Variants in EPB41 observed in about 807,000 individuals in gnomAD.
EPB41 encodes the protein erythrocyte membrane protein band 4.1.
EPB41 carries 65 observed loss-of-function variants against 108.0 expected under a neutral mutation model. The ratio of observed to expected loss-of-function variants is 0.60; its 90% confidence interval spans 0.49 to 0.74. EPB41 has a LOEUF of 0.74. Among genes scored for constraint, EPB41 ranks in the 30% least tolerant of loss-of-function variants. The pLI is 0.00. For synonymous variants in EPB41, 336 were observed against 358.9 expected (o/e 0.94, Z 0.72); for missense variants, 875 against 1,037.0 (o/e 0.84, Z 2.15).
chr1:29,058,759 A>G, intron 13 of EPB41, 52 bp from the exon 14 acceptor site: 19 of 1,534,056 alleles, frequency 1.2e-5, no homozygotes, highest in Non-Finnish European at 1.7e-5. Flanking sequence ...AACAAACTTC[A>G]ATGAGCAACA....
At chr1:28,909,366 G>A (rs1355770189) in intron 1 of EPB41, among the ~76,000 whole-genome samples, 1 of 152,092 alleles carries the variant, frequency 6.6e-6, no homozygotes, top group East Asian at 1.9e-4. Context: ...TACTTGGGAG[G>A]ATGAGGTGGG....
intron 1 of EPB41, among the ~76,000 whole-genome samples, chr1:28,935,905 G>A (rs566928697): frequency 6.9e-5 from 10 of 144,874 alleles, no homozygotes; most frequent in African/African-American, 1.3e-4. Context: ...GTGACAGAGC[G>A]AGACTCTGTT....
intron 1 of EPB41, among the ~76,000 whole-genome samples, chr1:28,945,170 A>C (rs1231264519): frequency 6.6e-6 from 1 of 152,114 alleles, no homozygotes; most frequent in African/African-American, 2.4e-5. Context: ...TACCATCTAA[A>C]ATTGTTCTTA....
chr1:28,889,828 A>G (rs2089910293), intron 1 of EPB41: 1 of 985,186 alleles, frequency 1.0e-6, no homozygotes, highest in Non-Finnish European at 1.2e-6. Flanking sequence ...TTGAGCACGT[A>G]CTGTGCACCA....
At chr1:29,086,595 A>G (rs1485134797) in intron 16 of EPB41, among the ~76,000 whole-genome samples, 3 of 152,108 alleles carry the variant, frequency 2.0e-5, no homozygotes, top group African/African-American at 4.8e-5. Flanking sequence ...TTTCATGTGT[A>G]TATTTATACA....
At chr1:28,968,339 G>T (rs2095412548) in intron 1 of EPB41, among the ~76,000 whole-genome samples, 1 of 151,944 alleles carries the variant, frequency 6.6e-6, no homozygotes, top group Non-Finnish European at 1.5e-5. Context: ...TAGCGATAGA[G>T]CAAGACTCCA....
intron 16 of EPB41, chr1:29,070,819 C>T: frequency 1.4e-6 from 1 of 708,194 alleles, no homozygotes; most frequent in Non-Finnish European, 2.0e-6. Context: ...CTGCCCAAAG[C>T]CAGCTTTTCT....
intron 16 of EPB41, among the ~76,000 whole-genome samples, chr1:29,075,717 A>C (rs1164264156): frequency 6.6e-6 from 1 of 152,228 alleles, no homozygotes; most frequent in East Asian, 1.9e-4. Context: ...TCAATAAAAC[A>C]CATAGAAAAA....
chr1:29,086,610 G>A (rs978954979), intron 16 of EPB41, among the ~76,000 whole-genome samples: 3 of 151,978 alleles, frequency 2.0e-5, no homozygotes, highest in Non-Finnish European at 2.9e-5. Context: ...TATACACATT[G>A]GAAAATATAA....
At chr1:28,890,860 C>G in intron 1 of EPB41, 1 of 951,230 alleles carries the variant, frequency 1.1e-6, no homozygotes, top group Non-Finnish European at 1.3e-6. Flanking sequence ...GTGGGAGCCT[C>G]CACCCCACGG....
At chr1:29,029,499 T>C (rs746228671) in intron 7 of EPB41, among the ~76,000 whole-genome samples, 64 of 152,218 alleles carry the variant, frequency 4.2e-4, no homozygotes, top group Admixed American at 6.5e-4. Flanking sequence ...GGCAGTCTTA[T>C]GGGAAACTGG....
intron 1 of EPB41, among the ~76,000 whole-genome samples, chr1:28,964,627 AAAAT>A (rs796384394): frequency 1.7e-4 from 26 of 149,852 alleles, no homozygotes; most frequent in East Asian, 4.0e-4. Flanking sequence ...ATAAATAAAT[AAAAT>A]AAATAAATAA....
intron 1 of EPB41, among the ~76,000 whole-genome samples, chr1:28,925,622 C>G (rs1443408734): frequency 6.6e-6 from 1 of 152,066 alleles, no homozygotes; most frequent in African/African-American, 2.4e-5. Context: ...GTGCAGGTAT[C>G]TGGGGAAGAG....
intron 4 of EPB41, among the ~76,000 whole-genome samples, chr1:29,008,281 A>T (rs1054156881): frequency 5.9e-5 from 9 of 151,858 alleles, no homozygotes; most frequent in African/African-American, 1.7e-4. Context: ...TTAACTCTTA[A>T]TTTTTTTTCC....
At chr1:28,945,358 G>A (rs898519807) in intron 1 of EPB41, among the ~76,000 whole-genome samples, 1 of 152,046 alleles carries the variant, frequency 6.6e-6, no homozygotes, top group South Asian at 2.1e-4. Flanking sequence ...GTGTTATATC[G>A]ATAAAGACGG....
At position 29,115,891 on chromosome 1, in the gene EPB41, C is replaced by A; in HGVS notation, c.*6+88C>A. ...GGGACCCTCGGACACACTGGGAGCC[C>A]ATCCCCACAAAGAGGTGTTCACCCT... On this transcript the variant is annotated intron_variant, in intron 20 of 20. Coordinates refer to ENST00000343067, the MANE Select transcript of EPB41 (RefSeq NM_001376013.1). This position sits in a 1 kb window ranked among gnomAD's most constrained non-coding sequence, Gnocchi z 4.4. 9.9e-7 allele frequency: 1 copy of A among 1,008,006 alleles called. No homozygotes were observed. Among genetic ancestry groups the A allele is most frequent in the Non-Finnish European group, 1.6e-6 (1 of 640,356 alleles). The allele number at this position is 1,008,006 out of a possible 1,614,324, so 62.4% of individuals were successfully genotyped here.
At chr1:29,087,183 C>T (rs931437177) in intron 16 of EPB41, among the ~76,000 whole-genome samples, 10 of 151,950 alleles carry the variant, frequency 6.6e-5, no homozygotes, top group Non-Finnish European at 1.5e-4. Flanking sequence ...CCTTGTGATC[C>T]GCCCGCCTTG....
chr1:28,958,431 A>G (rs1182246827), intron 1 of EPB41, among the ~76,000 whole-genome samples: 29 of 133,688 alleles, frequency 2.2e-4, no homozygotes, highest in East Asian at 6.9e-4. Context: ...CTGGGTGACA[A>G]AGTGATATCC....
At chr1:28,999,059 A>G (rs923781224) in intron 4 of EPB41, among the ~76,000 whole-genome samples, 2 of 152,218 alleles carry the variant, frequency 1.3e-5, no homozygotes, top group South Asian at 2.1e-4. Flanking sequence ...ACTTTCTACA[A>G]CTGTGAGCTA....
Sources: allele counts gnomAD v4.1 joint callset (sites outside exome capture counted in the v4.1 genomes callset), GRCh38; gene constraint gnomAD v4.1.1; non-coding constraint Gnocchi (gnomAD v3.1); transcripts MANE v1.5; gene names NCBI Gene and HGNC (gene_info 2026-07-23, HGNC 2026-07-21).